ITGA4: variants seen among roughly 807,000 people sequenced by gnomAD.
ITGA4 encodes integrin alpha-4.
Under a neutral mutation model 133.6 loss-of-function variants are expected in ITGA4, and 63 were observed. The ratio of observed to expected loss-of-function variants is 0.47; its 90% confidence interval spans 0.38 to 0.58. The LOEUF (loss-of-function observed/expected upper bound fraction) is 0.58, where lower values mean the gene tolerates loss of function less well. ITGA4 is among the 20% of genes least tolerant of loss of function. The pLI is 0.00. For synonymous variants in ITGA4, 483 were observed against 438.0 expected, an observed-to-expected ratio of 1.10 and a Z score of -1.28; for missense variants, 1,076 against 1,252.7, an observed-to-expected ratio of 0.86 and a Z score of 2.13.
intron 15 of ITGA4, chr2:181,499,001 CATCATTT>C: frequency 2.0e-6 from 1 of 495,492 alleles, no homozygotes; most frequent in Non-Finnish European, 2.6e-6. Flanking sequence ...CATTTGACCT[CATCATTT>C]GAAAACACTT....
At chr2:181,534,718 A>G in intron 26 of ITGA4, 98 bp from the exon 27 acceptor site, 1 of 1,018,638 alleles carries the variant, frequency 9.8e-7, no homozygotes, top group Non-Finnish European at 1.4e-6. Flanking sequence ...TCTAAATACT[A>G]CTGGGGATTA....
chr2:181,470,722 AAG>A (rs199864726), intron 2 of ITGA4, among the ~76,000 whole-genome samples: 2,089 of 152,214 alleles, frequency 0.014, 25 homozygotes, highest in Middle Eastern at 0.038. Context: ...AACAAAAGAA[AAG>A]AGAAGCTGGG....
At chr2:181,469,416 C>G (rs1037816775) in intron 2 of ITGA4, among the ~76,000 whole-genome samples, 7 of 152,182 alleles carry the variant, frequency 4.6e-5, no homozygotes, top group African/African-American at 1.4e-4. Flanking sequence ...CAGGAAACAA[C>G]AGGTGCTGGA....
intron 10 of ITGA4, among the ~76,000 whole-genome samples, chr2:181,490,404 A>G (rs1686023529): frequency 6.6e-6 from 1 of 151,804 alleles, no homozygotes; most frequent in Non-Finnish European, 1.5e-5. Context: ...CATTTAAGAT[A>G]ATGACATCCC....
intron 4 of ITGA4, among the ~76,000 whole-genome samples, chr2:181,477,729 C>T (rs67566358): frequency 0.11 from 17,427 of 152,032 alleles, 1,136 homozygotes; most frequent in East Asian, 0.21. Context: ...AAAAGGGAAC[C>T]CTTGCACACT....
intron 17 of ITGA4, among the ~76,000 whole-genome samples, chr2:181,519,665 G>C (rs537106995): frequency 6.6e-6 from 1 of 152,172 alleles, no homozygotes; most frequent in African/African-American, 2.4e-5. Flanking sequence ...TAATTCATAG[G>C]TCATTTCAGT....
chr2:181,503,548 A>G, intron 15 of ITGA4, among the ~76,000 whole-genome samples: 1 of 147,134 alleles, frequency 6.8e-6, no homozygotes, highest in East Asian at 2.0e-4. Context: ...TAAAATAAGA[A>G]AGAAGGAAGA....
intron 15 of ITGA4, among the ~76,000 whole-genome samples, chr2:181,504,973 T>C (rs987888980): frequency 4.6e-5 from 7 of 151,810 alleles, no homozygotes; most frequent in African/African-American, 1.7e-4. Flanking sequence ...CCAACCTGTG[T>C]CTTGGTCTCA....
chr2:181,508,227 T>C (rs1574403224), intron 15 of ITGA4, among the ~76,000 whole-genome samples: 1 of 151,882 alleles, frequency 6.6e-6, no homozygotes, highest in African/African-American at 2.4e-5. Flanking sequence ...AAAAAAAAAC[T>C]TGTGACCACA....
chr2:181,533,751 T>C (rs535155501), intron 25 of ITGA4, among the ~76,000 whole-genome samples: 23 of 152,308 alleles, frequency 1.5e-4, no homozygotes, highest in Admixed American at 3.9e-4. Context: ...ACTAAATATA[T>C]TCTCATCTCC....
chr2:181,535,432 G>C lies in ITGA4; in HGVS notation c.3004G>C (p.Ala1002Pro). 1.2e-6 allele frequency: 2 copies of C among 1,602,564 alleles called. No homozygotes were observed. The highest frequency in any genetic ancestry group is 1.7e-6 in the Non-Finnish European group (2 of 1,174,484). The change falls in exon 28 of 28, where the codon GCT (alanine) becomes CCT (proline). Residue 1002 changes from alanine to proline, a missense_variant and splice_region_variant. This residue lies in a region of ITGA4 where 193 missense variants were observed against 172.3 expected (regional missense o/e 1.12). Coordinates refer to ENST00000397033, the MANE Select transcript of ITGA4 (RefSeq NM_000885.6). ...AGTGATTATGTTATGCTATTTTCAGGCTGGCTTCTTTAAAAGACAATACAA... is the reference window on the plus strand; with the variant it reads ...AGTGATTATGTTATGCTATTTTCAGCCTGGCTTCTTTAAAAGACAATACAA... ...LLLISYVMWKAGFFKRQYKSI... is the reference protein window; with the variant it reads ...LLLISYVMWKPGFFKRQYKSI...
At chr2:181,473,701 C>G (rs764809286) in intron 2 of ITGA4, among the ~76,000 whole-genome samples, 1 of 152,206 alleles carries the variant, frequency 6.6e-6, no homozygotes, top group Non-Finnish European at 1.5e-5. Flanking sequence ...GGCATAGTGG[C>G]TTATGCTGGT....
intron 2 of ITGA4, among the ~76,000 whole-genome samples, chr2:181,459,666 C>T (rs1685217941): frequency 6.6e-6 from 1 of 152,160 alleles, no homozygotes; most frequent in African/African-American, 2.4e-5. Flanking sequence ...TTCACAGACC[C>T]ATACATTTTG....
chr2:181,469,960 A>G (rs972869491), intron 2 of ITGA4, among the ~76,000 whole-genome samples: 1 of 152,118 alleles, frequency 6.6e-6, no homozygotes. Context: ...GATATACCTA[A>G]TGTAAATGAC....
chr2:181,457,797 A>C lies in ITGA4; in HGVS notation c.143A>C (p.His48Pro), dbSNP rs1282310607. Residue 48 changes from histidine (H) to proline (P), a missense_variant, in exon 1 of 28, where the codon CAC becomes CCC. Physicochemically the swap from His to Pro is moderately conservative, Grantham distance 77. Coordinates refer to ENST00000397033, the MANE Select transcript of ITGA4 (RefSeq NM_000885.6). The part of the protein sequence containing the change: ...TESALLYQGP[H>P]NTLFGYSVVL... The stretch of plus-strand genomic sequence containing the variant: ...AGCGCGCTGCTTTACCAGGGCCCCC[A>C]CAACACGCTGTTCGGCTACTCGGTC... 16 of 1,613,624 alleles carry C rather than the reference A, an allele frequency of 9.9e-6. 1 individual carries two copies. Among genetic ancestry groups the C allele is most frequent in the East Asian group, 4.5e-5 (2 of 44,860 alleles).
At chr2:181,518,391 G>A (rs1334288628) in intron 17 of ITGA4, among the ~76,000 whole-genome samples, 1 of 152,010 alleles carries the variant, frequency 6.6e-6, no homozygotes, top group East Asian at 1.9e-4. Context: ...ATGAGGACTG[G>A]GGGATCATTT....
intron 2 of ITGA4, among the ~76,000 whole-genome samples, chr2:181,462,804 G>A (rs559689721): frequency 2.0e-5 from 3 of 152,244 alleles, no homozygotes; most frequent in Admixed American, 2.0e-4. Context: ...CTTGGTCACT[G>A]AGTGATATAC....
chr2:181,461,411 C>G (rs1350038465), intron 2 of ITGA4, among the ~76,000 whole-genome samples: 2 of 151,604 alleles, frequency 1.3e-5, no homozygotes, highest in Non-Finnish European at 2.9e-5. Flanking sequence ...AAAGTGGTCT[C>G]TCTGCCAGGA....
Position 181,516,250 on chromosome 2 carries a change from T to G in ITGA4, c.1922+4475T>G, listed in dbSNP as rs1172685887. On this transcript the variant is annotated intron_variant, in intron 17 of 27. Transcript: ENST00000397033. The surrounding 1 kb of genome is among the most constrained non-coding windows in gnomAD (Gnocchi z 4.0). Reference sequence around the variant, plus strand: ...CAGAATGAGTGATGTAAGCTTTCCCTGAACAATTGCTTCTGTATCTGCTAG... The same window carrying G: ...CAGAATGAGTGATGTAAGCTTTCCCGGAACAATTGCTTCTGTATCTGCTAG... Among the ~76,000 whole-genome samples, 2 of 152,092 alleles carry G rather than the reference T, an allele frequency of 1.3e-5. No homozygotes were observed. Among genetic ancestry groups the G allele is most frequent in the Admixed American group, 1.3e-4 (2 of 15,244 alleles).
Sources: gnomAD v4.1 joint callset for allele counts (sites outside exome capture counted in the v4.1 genomes callset) on GRCh38, gnomAD v4.1.1 for gene constraint, gnomAD v4.1.1 regional missense constraint, Gnocchi (gnomAD v3.1) non-coding constraint, MANE v1.5 for transcripts, NCBI Gene and HGNC (gene_info 2026-07-23, HGNC 2026-07-21) for gene names.